Variants in PRKCA observed in about 807,000 individuals in gnomAD.
The protein encoded by PRKCA is protein kinase C alpha type.
A neutral mutation model predicts 87.0 loss-of-function variants in PRKCA; 27 were observed. The ratio of observed to expected loss-of-function variants is 0.31; its 90% CI spans 0.23 to 0.43. The LOEUF is 0.43. Ranked by LOEUF, PRKCA falls within the 20% of genes least tolerant of loss-of-function variation. The pLI, the probability that PRKCA is intolerant of heterozygous loss-of-function variation, is 1.00. For missense variants in PRKCA, 518 were observed against 852.3 expected (o/e 0.61, Z 4.88); for synonymous variants, 329 against 311.1 (o/e 1.06, Z -0.61).
chr17:66,363,581 G>A lies in PRKCA; in HGVS notation c.205+57454G>A, dbSNP rs367697833. Among the ~76,000 whole-genome samples, 7 of 152,204 alleles carry A rather than the reference G, an allele frequency of 4.6e-5. No homozygotes were observed. The South Asian group carries it at 6.2e-4, about 14-fold the overall frequency. On this transcript the variant is annotated intron_variant, in intron 2 of 16. Coordinates refer to ENST00000413366, the MANE Select transcript of PRKCA (RefSeq NM_002737.3). ...ACAAGTAAATTCATTAAGAAAGAGCGCTATTCCAATAAAGCCAATTTAATT... is the reference window on the plus strand; with the variant it reads ...ACAAGTAAATTCATTAAGAAAGAGCACTATTCCAATAAAGCCAATTTAATT...
chr17:66,396,058 T>TTG (rs1910646204), intron 2 of PRKCA, among the ~76,000 whole-genome samples: 1 of 150,888 alleles, frequency 6.6e-6, no homozygotes. Flanking sequence ...GTTTAACTGT[T>TTG]TTTTTTTTTT....
At chr17:66,688,067 G>A (rs1008304665) in intron 6 of PRKCA, among the ~76,000 whole-genome samples, 1 of 152,156 alleles carries the variant, frequency 6.6e-6, no homozygotes, top group African/African-American at 2.4e-5. Flanking sequence ...GCCATGGCTG[G>A]GTCCTAATAA....
chr17:66,615,750 G>T (rs1429516684), intron 3 of PRKCA, among the ~76,000 whole-genome samples: 1 of 152,146 alleles, frequency 6.6e-6, no homozygotes, highest in East Asian at 1.9e-4. Flanking sequence ...TCCGTCGGCA[G>T]TCACCACCTT....
intron 2 of PRKCA, among the ~76,000 whole-genome samples, chr17:66,376,087 T>C (rs1290787692): frequency 6.6e-6 from 1 of 152,154 alleles, no homozygotes; most frequent in East Asian, 1.9e-4. Context: ...TGGAGTGTAG[T>C]CCCTGGGCAG....
chr17:66,390,270 A>G (rs952090399), intron 2 of PRKCA, among the ~76,000 whole-genome samples: 2 of 152,154 alleles, frequency 1.3e-5, no homozygotes, highest in African/African-American at 4.8e-5. Context: ...TGCAATTTAT[A>G]TATATGTTTT....
chr17:66,655,032 C>G (rs1253003289), intron 5 of PRKCA, among the ~76,000 whole-genome samples: 1 of 152,182 alleles, frequency 6.6e-6, no homozygotes, highest in Non-Finnish European at 1.5e-5. Context: ...TCAAAGAAAC[C>G]AAATCTAGCA....
At chr17:66,654,057 A>C (rs1038126027) in intron 5 of PRKCA, among the ~76,000 whole-genome samples, 3 of 152,210 alleles carry the variant, frequency 2.0e-5, no homozygotes, top group Non-Finnish European at 4.4e-5. Context: ...TCTCTTTTGT[A>C]GATGGAGAAG....
At chr17:66,454,862 A>C in intron 2 of PRKCA, among the ~76,000 whole-genome samples, 1 of 152,234 alleles carries the variant, frequency 6.6e-6, no homozygotes, top group East Asian at 1.9e-4. Context: ...CCCAGGGCAG[A>C]GAAGCTTCTA....
intron 10 of PRKCA, among the ~76,000 whole-genome samples, chr17:66,738,213 G>A (rs1424794605): frequency 6.6e-6 from 1 of 152,226 alleles, no homozygotes; most frequent in Non-Finnish European, 1.5e-5. Flanking sequence ...CATTTGATTA[G>A]CATCTCCATC....
intron 5 of PRKCA, among the ~76,000 whole-genome samples, chr17:66,672,647 G>A (rs1598861920): frequency 6.6e-6 from 1 of 152,200 alleles, no homozygotes; most frequent in Non-Finnish European, 1.5e-5. Flanking sequence ...GAATATTTAT[G>A]CATGAAGATG....
At chr17:66,744,789 C>G (rs1378741094) in intron 13 of PRKCA, among the ~76,000 whole-genome samples, 1 of 152,196 alleles carries the variant, frequency 6.6e-6, no homozygotes, top group East Asian at 1.9e-4. Context: ...GGACTAAAGT[C>G]AAGCTGTGGG....
chr17:66,587,862 CAT>C (rs1407078409), intron 3 of PRKCA, among the ~76,000 whole-genome samples: 3,522 of 51,710 alleles, frequency 0.068, 364 homozygotes, highest in African/African-American at 0.14. Flanking sequence ...TACATATATA[CAT>C]ATGTATGTGT....
chr17:66,344,000 G>A (rs80018021), intron 2 of PRKCA, among the ~76,000 whole-genome samples: 2,328 of 152,158 alleles, frequency 0.015, 42 homozygotes, highest in East Asian at 0.11. Context: ...ATTGTCAGCA[G>A]CATTTTCTGG....
intron 3 of PRKCA, among the ~76,000 whole-genome samples, chr17:66,515,861 G>A (rs980084941): frequency 2.6e-5 from 4 of 152,002 alleles, no homozygotes; most frequent in African/African-American, 9.7e-5. Flanking sequence ...TTTTGTTTTT[G>A]TTTTTTGTTT....
At chr17:66,678,695 C>G (rs1972404699) in intron 5 of PRKCA, among the ~76,000 whole-genome samples, 1 of 151,652 alleles carries the variant, frequency 6.6e-6, no homozygotes, top group South Asian at 2.1e-4. Flanking sequence ...TCCCAGCCAC[C>G]CAACAGGCTT....
At chr17:66,768,624 T>C (rs959866557) in intron 13 of PRKCA, among the ~76,000 whole-genome samples, 6 of 152,188 alleles carry the variant, frequency 3.9e-5, no homozygotes, top group African/African-American at 1.4e-4. Context: ...GAAGTAAGCA[T>C]GTCTTACCAT....
intron 2 of PRKCA, among the ~76,000 whole-genome samples, chr17:66,398,497 G>A (rs1205260023): frequency 6.6e-6 from 1 of 152,200 alleles, no homozygotes; most frequent in Non-Finnish European, 1.5e-5. Flanking sequence ...AAAGAACTAA[G>A]TGATAGTTGG....
chr17:66,563,943 G>A (rs8066192), intron 3 of PRKCA, among the ~76,000 whole-genome samples: 3,470 of 146,974 alleles, frequency 0.024, 143 homozygotes, highest in African/African-American at 0.082. Flanking sequence ...TGTTGTACTT[G>A]TTTCTTCTTT....
chr17:66,495,682 A>T (rs145980849), intron 2 of PRKCA, among the ~76,000 whole-genome samples: 4,342 of 151,884 alleles, frequency 0.029, 60 homozygotes, highest in Non-Finnish European at 0.043. Context: ...CCTCCTGAGT[A>T]GCTGGGATTA....
Sources: allele counts gnomAD v4.1 joint callset (sites outside exome capture counted in the v4.1 genomes callset), GRCh38; gene constraint gnomAD v4.1.1; transcripts MANE v1.5; gene names NCBI Gene and HGNC (gene_info 2026-07-23, HGNC 2026-07-21).